PCED1B: variants seen among roughly 807,000 people sequenced by gnomAD.
The protein encoded by PCED1B is PC-esterase domain containing 1B.
For synonymous variants in PCED1B, 251 were observed against 246.1 expected (o/e 1.02, Z -0.19); for missense variants, 573 against 573.9 (o/e 1.00, Z 0.02).
Position 47,217,427 on chromosome 12 carries a change from G to GA in PCED1B, c.-58+740dup, listed in dbSNP as rs1210337778. Among the ~76,000 whole-genome samples, 2 of 63,474 alleles carry GA rather than the reference G, an allele frequency of 3.2e-5. 1 individual carries two copies. The highest frequency in any genetic ancestry group is 9.5e-4 in the East Asian group (2 of 2,100). 41.6% of individuals were successfully genotyped at this position (63,474 alleles called of 152,430 possible). ...AGAGAGAGAGAGAGAGACAGAGAAA[G>GA]AAGAAAAAAAAAGAAAGAAAGAAAG... On this transcript the variant is annotated intron_variant, in intron 3 of 3. Coordinates refer to ENST00000546455, the MANE Select transcript of PCED1B (RefSeq NM_138371.3).
chr12:47,183,743 A>AT (rs1345075612), intron 2 of PCED1B, among the ~76,000 whole-genome samples: 1 of 152,210 alleles, frequency 6.6e-6, no homozygotes, highest in Non-Finnish European at 1.5e-5. Flanking sequence ...CCATCTTAGA[A>AT]TTGTGTGCCA....
intron 1 of PCED1B, among the ~76,000 whole-genome samples, chr12:47,097,990 T>C (rs1163713260): frequency 1.3e-5 from 2 of 152,226 alleles, no homozygotes; most frequent in Non-Finnish European, 2.9e-5. Flanking sequence ...AATAAGGTCT[T>C]ACCATTTCCA....
intron 1 of PCED1B, among the ~76,000 whole-genome samples, chr12:47,087,877 T>C (rs1185091911): frequency 6.6e-6 from 1 of 152,194 alleles, no homozygotes; most frequent in Non-Finnish European, 1.5e-5. Flanking sequence ...TAAAGAATTA[T>C]AAGCAAGGAA....
intron 2 of PCED1B, among the ~76,000 whole-genome samples, chr12:47,195,227 G>C (rs1010946200): frequency 1.3e-5 from 2 of 151,722 alleles, no homozygotes; most frequent in Non-Finnish European, 2.9e-5. Context: ...TACTCGGGAA[G>C]CTGAGACAGG....
chr12:47,232,905 T>A (rs1565617592), intron 3 of PCED1B, among the ~76,000 whole-genome samples: 1 of 144,234 alleles, frequency 6.9e-6, no homozygotes, highest in Non-Finnish European at 1.5e-5. Context: ...GACCTAGAAA[T>A]TTTATTTATT....
At position 47,150,595 on chromosome 12, in the gene PCED1B, T is replaced by G. The variant is rs143396220; in HGVS notation, c.-526+46400T>G. Among the ~76,000 whole-genome samples, 445 of 149,012 alleles carry G rather than the reference T, an allele frequency of 3.0e-3. 6 individuals carry two copies. In the South Asian group the frequency reaches 0.037, roughly 12 times the overall value. On this transcript the variant is annotated intron_variant, in intron 2 of 3. Coordinates refer to ENST00000546455, the MANE Select transcript of PCED1B (RefSeq NM_138371.3). ...TCCATCTCAAAAAAAAAAAAAGAAA[T>G]AACTATGTAAGATACCTCTTGAACA... is the stretch of plus-strand genomic sequence containing the variant.
intron 3 of PCED1B, among the ~76,000 whole-genome samples, chr12:47,219,106 A>G (rs1943395118): frequency 6.6e-6 from 1 of 152,114 alleles, no homozygotes; most frequent in Non-Finnish European, 1.5e-5. Flanking sequence ...GCACCACTGC[A>G]CTCCAGCCTG....
chr12:47,147,683 C>T (rs1940843693), intron 2 of PCED1B, among the ~76,000 whole-genome samples: 2 of 152,132 alleles, frequency 1.3e-5, no homozygotes, highest in African/African-American at 4.8e-5. Context: ...AGTATTTCCA[C>T]TGATATTTAT....
chr12:47,197,688 T>C, intron 2 of PCED1B, among the ~76,000 whole-genome samples: 1 of 151,676 alleles, frequency 6.6e-6, no homozygotes, highest in South Asian at 2.1e-4. Flanking sequence ...AAATTACTAA[T>C]AATCAGAAAT....
chr12:47,200,779 G>A (rs1451614526), intron 2 of PCED1B, among the ~76,000 whole-genome samples: 3 of 152,160 alleles, frequency 2.0e-5, no homozygotes, highest in African/African-American at 4.8e-5. Context: ...GACCAGTAAC[G>A]CTAGGCCATG....
intron 3 of PCED1B, among the ~76,000 whole-genome samples, chr12:47,231,031 C>T (rs561232442): frequency 7.3e-4 from 111 of 152,206 alleles, no homozygotes; most frequent in African/African-American, 2.5e-3. Context: ...GTTCAAAATG[C>T]TAGCAAACAG....
chr12:47,082,923 T>C (rs999334512), intron 1 of PCED1B, among the ~76,000 whole-genome samples: 1 of 151,196 alleles, frequency 6.6e-6, no homozygotes, highest in South Asian at 2.1e-4. Context: ...ACATAATACA[T>C]TGGAATTTTT....
intron 3 of PCED1B, among the ~76,000 whole-genome samples, chr12:47,218,061 A>C (rs574818002): frequency 6.6e-6 from 1 of 152,348 alleles, no homozygotes; most frequent in Middle Eastern, 3.4e-3. Flanking sequence ...GCTCAGAATA[A>C]CAATAGCAGC....
intron 2 of PCED1B, among the ~76,000 whole-genome samples, chr12:47,113,748 G>A (rs549645680): frequency 6.6e-5 from 10 of 151,640 alleles, no homozygotes; most frequent in Admixed American, 4.6e-4. Context: ...AGTGGCTCAC[G>A]CCTGTAATCC....
At chr12:47,139,819 C>T (rs12320513) in intron 2 of PCED1B, among the ~76,000 whole-genome samples, 6,741 of 151,806 alleles carry the variant, frequency 0.044, 325 homozygotes, top group African/African-American at 0.12. Context: ...ATGTGTATAG[C>T]GTATTTTTCT....
In PCED1B at chr12:47,235,994, CCG is replaced by C. The variant is rs1488837671; in HGVS notation, c.933_934del (p.Leu312AlafsTer86). ...PLLGFPPQRL[P>X]LLPLLSPQPP... ...GCTTGGGTTCCCACCCCAGCGCTTG[CCG>C]CTGCTCCCGCTCCTGTCCCCACAGC... On this transcript the variant is annotated frameshift_variant, in exon 4 of 4. Transcript: ENST00000546455. LOFTEE classifies it low-confidence loss of function (END_TRUNC). 2.5e-6 allele frequency: 4 copies of C among 1,612,492 alleles called. No homozygotes were observed. In the African/African-American group the frequency reaches 4.0e-5, roughly 16 times the overall value.
At chr12:47,179,731 A>G (rs1215212504) in intron 2 of PCED1B, among the ~76,000 whole-genome samples, 1 of 152,186 alleles carries the variant, frequency 6.6e-6, no homozygotes, top group East Asian at 1.9e-4. Context: ...CATTTAAGAA[A>G]TCTTGACTGA....
intron 2 of PCED1B, among the ~76,000 whole-genome samples, chr12:47,172,085 A>G (rs148436593): frequency 1.3e-5 from 2 of 152,278 alleles, no homozygotes; most frequent in African/African-American, 4.8e-5. Flanking sequence ...GCTGACTTGA[A>G]TAAATCTAAT....
At chr12:47,228,990 T>C (rs999022587) in intron 3 of PCED1B, among the ~76,000 whole-genome samples, 5 of 151,902 alleles carry the variant, frequency 3.3e-5, no homozygotes, top group Non-Finnish European at 7.4e-5. Context: ...ATCATCTAAT[T>C]TGATCTTCAT....
Sources: gnomAD v4.1 joint callset for allele counts (sites outside exome capture counted in the v4.1 genomes callset) on GRCh38, gnomAD v4.1.1 for gene constraint, MANE v1.5 for transcripts, NCBI Gene and HGNC (gene_info 2026-07-23, HGNC 2026-07-21) for gene names.